Variants in RGS7 observed in about 807,000 individuals in gnomAD.
RGS7 encodes the protein regulator of G-protein signaling 7.
In RGS7, 27 loss-of-function variants were observed where a neutral mutation model predicts 81.1. The ratio of observed to expected loss-of-function variants is 0.33; its 90% CI spans 0.25 to 0.46. The LOEUF (loss-of-function observed/expected upper bound fraction) is 0.46, where lower values mean the gene tolerates loss of function less well. Among genes scored for constraint, RGS7 ranks in the 20% least tolerant of loss-of-function variants. The pLI is 1.00. For missense variants in RGS7, 396 were observed against 607.4 expected (o/e 0.65, Z 3.66); for synonymous variants, 208 against 207.7 (o/e 1.00, Z -0.01).
chr1:240,788,603 C>T (rs1685453402), intron 18 of RGS7, among the ~76,000 whole-genome samples: 1 of 152,172 alleles, frequency 6.6e-6, no homozygotes, highest in African/African-American at 2.4e-5. Context: ...CATGAGCACT[C>T]CAGGTGATTC....
At chr1:240,794,819 T>G (rs1686721896) in intron 18 of RGS7, among the ~76,000 whole-genome samples, 1 of 103,298 alleles carries the variant, frequency 9.7e-6, no homozygotes. Context: ...GTTCCCAGAT[T>G]ATAGTTTTAT....
rs567865338 is a variant in RGS7, at chr1:241,083,159, G to C, written c.175+15507C>G. ...AGGCTTGCTTGAATCTGGGAGGCAA[G>C]AGGTTGTAGTGAGCCAAGATCATGA... is the stretch of plus-strand genomic sequence containing the variant. On this transcript the variant is annotated intron_variant, in intron 3 of 18. Coordinates refer to ENST00000440928, the MANE Select transcript of RGS7 (RefSeq NM_001364886.1). Among the ~76,000 whole-genome samples the C allele has an allele frequency of 2.7e-5, 4 of 149,542 alleles. No individual in the cohort carries two copies. The East Asian group carries it at 8.0e-4, about 30-fold the overall frequency.
intron 2 of RGS7, among the ~76,000 whole-genome samples, chr1:241,193,519 T>A (rs1480541738): frequency 6.6e-6 from 1 of 152,222 alleles, no homozygotes; most frequent in Non-Finnish European, 1.5e-5. Context: ...CCTGCCTGAA[T>A]TTATAACACC....
intron 2 of RGS7, among the ~76,000 whole-genome samples, chr1:241,215,275 G>T (rs960657509): frequency 1.3e-5 from 2 of 152,158 alleles, no homozygotes; most frequent in African/African-American, 2.4e-5. Context: ...TTGATACATG[G>T]TATTTATTAC....
rs530363407 is a variant in RGS7 at position 240,928,239 on chromosome 1, C to T, written c.385+2478G>A. On this transcript the variant is annotated intron_variant, in intron 6 of 18. Coordinates refer to ENST00000440928, the MANE Select transcript of RGS7 (RefSeq NM_001364886.1). The stretch of plus-strand genomic sequence containing the variant: ...CTACCTTTCTTGTGGCCACCCAAGA[C>T]CACGCTTCTGTCTGTAAGTTCCCCA... Among the ~76,000 whole-genome samples the T allele has an allele frequency of 2.4e-4, 36 of 152,346 alleles. No individual in the cohort carries two copies. In the East Asian group the frequency reaches 6.9e-3, roughly 29 times the overall value.
chr1:240,851,689 T>A (rs1338262585), intron 9 of RGS7, among the ~76,000 whole-genome samples: 2 of 152,164 alleles, frequency 1.3e-5, no homozygotes, highest in Non-Finnish European at 2.9e-5. Flanking sequence ...TTATGATTCA[T>A]GGGAGGAGTC....
At chr1:240,880,405 T>C (rs188714042) in intron 6 of RGS7, among the ~76,000 whole-genome samples, 1 of 152,340 alleles carries the variant, frequency 6.6e-6, no homozygotes, top group East Asian at 1.9e-4. Flanking sequence ...GTGAGGCTGC[T>C]ACACTGGTGA....
chr1:241,179,056 C>A (rs1456758078), intron 2 of RGS7, among the ~76,000 whole-genome samples: 1 of 139,692 alleles, frequency 7.2e-6, no homozygotes, highest in Non-Finnish European at 1.6e-5. Flanking sequence ...TGGGCACGTG[C>A]CTGATATGTT....
At chr1:241,196,382 G>T (rs2073067708) in intron 2 of RGS7, among the ~76,000 whole-genome samples, 3 of 150,670 alleles carry the variant, frequency 2.0e-5, no homozygotes, top group Admixed American at 6.6e-5. Flanking sequence ...ACTAAAAAAT[G>T]TGTAAAAAAA....
intron 6 of RGS7, among the ~76,000 whole-genome samples, chr1:240,914,436 C>T (rs1348883992): frequency 6.6e-6 from 1 of 151,956 alleles, no homozygotes; most frequent in Admixed American, 6.6e-5. Context: ...AAATAATTAC[C>T]CCAAAAGAGA....
At chr1:241,108,302 CAAAA>C (rs34848063) in intron 2 of RGS7, among the ~76,000 whole-genome samples, 3,087 of 70,834 alleles carry the variant, frequency 0.044, 22 homozygotes, top group Middle Eastern at 0.075. Context: ...GACTCCGTCT[CAAAA>C]AAAAAAAAAA....
At chr1:241,351,730 G>C (rs1439200219) in intron 2 of RGS7, among the ~76,000 whole-genome samples, 1 of 152,200 alleles carries the variant, frequency 6.6e-6, no homozygotes, top group Non-Finnish European at 1.5e-5. Flanking sequence ...AATGGGCATA[G>C]GAGAAAGGTG....
chr1:240,816,915 C>A (rs1436660204), intron 10 of RGS7, among the ~76,000 whole-genome samples: 1 of 152,156 alleles, frequency 6.6e-6, no homozygotes, highest in Non-Finnish European at 1.5e-5. Context: ...ATAGAAGACA[C>A]CAGGGTACTC....
intron 2 of RGS7, among the ~76,000 whole-genome samples, chr1:241,220,765 T>G (rs1238139662): frequency 6.6e-6 from 1 of 152,016 alleles, no homozygotes; most frequent in Non-Finnish European, 1.5e-5. Flanking sequence ...CCAGGCAGGT[T>G]GGCTCATGCC....
At position 241,227,770 on chromosome 1, in the gene RGS7, C is replaced by T. The variant is rs532271288; in HGVS notation, c.78+127929G>A. Among the ~76,000 whole-genome samples the T allele has an allele frequency of 5.3e-5, 8 of 152,116 alleles. No individual in the cohort carries two copies. In the South Asian group the frequency reaches 1.0e-3, roughly 20 times the overall value. On this transcript the variant is annotated intron_variant, in intron 2 of 18. Transcript: ENST00000440928. ...GTCACCTCCAGAAAAAAAGAAAAAG[C>T]CTTAACAAACAGAAGTGAAGGTACC...
intron 2 of RGS7, among the ~76,000 whole-genome samples, chr1:241,237,149 C>A (rs901072660): frequency 1.3e-5 from 2 of 152,070 alleles, no homozygotes; most frequent in South Asian, 4.2e-4. Context: ...GGACAACAAA[C>A]AATAGAAGCT....
chr1:241,302,844 G>A (rs2079854939), intron 2 of RGS7, among the ~76,000 whole-genome samples: 2 of 151,268 alleles, frequency 1.3e-5, no homozygotes, highest in African/African-American at 4.9e-5. Context: ...TTTCAGTAGG[G>A]ATCTCTAAAA....
intron 2 of RGS7, among the ~76,000 whole-genome samples, chr1:241,169,847 C>A (rs571677469): frequency 6.6e-6 from 1 of 152,040 alleles, no homozygotes; most frequent in South Asian, 2.1e-4. Flanking sequence ...TGTTCGTATG[C>A]GTGTGTGAGT....
intron 6 of RGS7, among the ~76,000 whole-genome samples, chr1:240,878,154 G>A (rs368984153): frequency 2.0e-5 from 3 of 152,200 alleles, no homozygotes; most frequent in South Asian, 2.1e-4. Flanking sequence ...GAGCTGAACT[G>A]AATTCTCTCC....
Sources: allele counts gnomAD v4.1 joint callset (sites outside exome capture counted in the v4.1 genomes callset), GRCh38; gene constraint gnomAD v4.1.1; transcripts MANE v1.5; gene names NCBI Gene and HGNC (gene_info 2026-07-23, HGNC 2026-07-21).